TTC39A: variants seen among roughly 807,000 people sequenced by gnomAD.
TTC39A encodes the protein tetratricopeptide repeat domain 39A.
A neutral mutation model predicts 82.3 loss-of-function variants in TTC39A; 46 were observed. That is an observed-to-expected ratio of 0.56 (90% CI 0.44 to 0.71). TTC39A has a LOEUF of 0.71. Ranked by LOEUF, TTC39A falls within the 30% of genes least tolerant of loss-of-function variation. The pLI is 0.00. For missense variants in TTC39A, 543 were observed against 712.9 expected, an observed-to-expected ratio of 0.76 and a Z score of 2.71; for synonymous variants, 254 against 275.2, an observed-to-expected ratio of 0.92 and a Z score of 0.76.
chr1:51,316,182 C>G (rs1018603000), intron 2 of TTC39A, among the ~76,000 whole-genome samples: 1 of 152,216 alleles, frequency 6.6e-6, no homozygotes, highest in Non-Finnish European at 1.5e-5. Flanking sequence ...CAGCACACTG[C>G]CGGGCCCAGG....
intron 2 of TTC39A, among the ~76,000 whole-genome samples, chr1:51,320,155 G>A (rs1281240757): frequency 2.0e-5 from 3 of 152,122 alleles, no homozygotes; most frequent in Non-Finnish European, 4.4e-5. Context: ...AGGAAAATGA[G>A]GGGGGTACTG....
chr1:51,305,182 C>T (rs1184197450), intron 7 of TTC39A, 36 bp from the exon 8 acceptor site: 3 of 1,608,816 alleles, frequency 1.9e-6, no homozygotes, highest in East Asian at 2.2e-5. Context: ...TGTGAAGGTA[C>T]CCAGAGTGGG....
At chr1:51,302,012 G>A in intron 11 of TTC39A, 1 of 679,660 alleles carries the variant, frequency 1.5e-6, no homozygotes, top group Non-Finnish European at 2.7e-6. Context: ...CTATAATGGA[G>A]GGGAGGTACC....
chr1:51,301,731 G>A lies in TTC39A; in HGVS notation c.894C>T (p.Ala298=). The A allele has an allele frequency of 6.2e-7, 1 of 1,602,682 alleles. No individual in the cohort carries two copies. The part of the protein sequence containing the change: ...IEVIKGNIDA[A]IRRFEECCEA... ...CACAGCACTCCTCGAAACGCCGGAT[G>A]GCCTGCAGGCACCTTCTGGTCAGCC... Residue 298 remains alanine, a splice_region_variant and synonymous_variant, in exon 12 of 18, where the codon GCC becomes GCT. Coordinates refer to ENST00000680483, the MANE Select transcript of TTC39A (RefSeq NM_001297663.2).
chr1:51,336,285 G>A (rs1379320281), upstream of TTC39A, among the ~76,000 whole-genome samples: 1 of 152,112 alleles, frequency 6.6e-6, no homozygotes, highest in Non-Finnish European at 1.5e-5. Flanking sequence ...ATCTATTCCT[G>A]CTCCTTGGGC....
rs1253382916 is a variant in TTC39A, at chr1:51,306,069, C to G, written c.496G>C (p.Asp166His). The change falls in exon 7 of 18, where the codon GAC (aspartate) becomes CAC (histidine). Residue 166 changes from aspartate to histidine, a missense_variant. Coordinates refer to ENST00000680483, the MANE Select transcript of TTC39A (RefSeq NM_001297663.2). ...TATTGTGAGGACTGAACAAGGCTGT[C>G]CAGCTCCCTGCAGAGAGATGCCAAG... ...RNSYQTYKEL[D>H]SLVQSSQYCK... The G allele has an allele frequency of 1.2e-6, 2 of 1,613,722 alleles. No individual in the cohort carries two copies. The highest frequency in any genetic ancestry group is 2.7e-5 in the African/African-American group (2 of 74,924).
chr1:51,309,439 A>T (rs762985311), intron 5 of TTC39A, 114 bp from the exon 6 acceptor site: 2 of 1,569,962 alleles, frequency 1.3e-6, no homozygotes, highest in South Asian at 2.4e-5. Flanking sequence ...CCCTGGGGGG[A>T]TGAGGTCGGA....
chr1:51,306,784 C>T (rs1424591019), intron 6 of TTC39A, among the ~76,000 whole-genome samples: 2 of 151,718 alleles, frequency 1.3e-5, no homozygotes, highest in African/African-American at 4.9e-5. Context: ...CTGTGCCAGG[C>T]ACTGGAAGAC....
At chr1:51,317,051 C>T (rs188590162) in intron 2 of TTC39A, among the ~76,000 whole-genome samples, 73 of 152,306 alleles carry the variant, frequency 4.8e-4, no homozygotes, top group African/African-American at 1.6e-3. Flanking sequence ...GTGAAATATG[C>T]TAGAAGCAGA....
At chr1:51,302,839 C>A (rs1371504516) in intron 9 of TTC39A, among the ~76,000 whole-genome samples, 1 of 152,210 alleles carries the variant, frequency 6.6e-6, no homozygotes, top group African/African-American at 2.4e-5. Flanking sequence ...TGTCTTCACA[C>A]CCTCTACAGG....
chr1:51,339,540 G>T (rs1646011016), intron 1 of TTC39A, among the ~76,000 whole-genome samples: 1 of 152,202 alleles, frequency 6.6e-6, no homozygotes, highest in Non-Finnish European at 1.5e-5. Context: ...TGTTCTACAG[G>T]AAGGCTCCTT....
At chr1:51,344,817 C>T (rs1343377038) in intron 1 of TTC39A, among the ~76,000 whole-genome samples, 1 of 152,244 alleles carries the variant, frequency 6.6e-6, no homozygotes, top group Non-Finnish European at 1.5e-5. Context: ...GGACAGAGAG[C>T]AGGGGGCGCG....
rs529448790 is a variant in TTC39A at position 51,316,734 on chromosome 1, G to T, written c.147-3791C>A. Among the ~76,000 whole-genome samples, 17 of 152,292 alleles carry T rather than the reference G, an allele frequency of 1.1e-4. No individual in the cohort carries two copies. In the East Asian group the frequency reaches 3.1e-3, roughly 28 times the overall value. On this transcript the variant is annotated intron_variant, in intron 2 of 17. Coordinates refer to ENST00000680483, the MANE Select transcript of TTC39A (RefSeq NM_001297663.2). Reference sequence around the variant, plus strand: ...TTGCCTCTTCCCTCAGAAAACTACAGAACACTCAAGGGCATACCCTGAACT... The same window carrying T: ...TTGCCTCTTCCCTCAGAAAACTACATAACACTCAAGGGCATACCCTGAACT...
At chr1:51,310,779 C>A (rs1164355918) in intron 5 of TTC39A, among the ~76,000 whole-genome samples, 2 of 152,340 alleles carry the variant, frequency 1.3e-5, no homozygotes, top group African/African-American at 4.8e-5. Flanking sequence ...CTCTAAGTCT[C>A]CCCTTCACAG....
At chr1:51,322,231 T>C in intron 1 of TTC39A, 1 of 1,502,850 alleles carries the variant, frequency 6.7e-7, no homozygotes, top group Non-Finnish European at 8.9e-7. Flanking sequence ...TCCCTCCTCC[T>C]TCTCCAAGGC....
At chr1:51,329,489 C>G (rs1216442052) in intron 1 of TTC39A, among the ~76,000 whole-genome samples, 1 of 152,206 alleles carries the variant, frequency 6.6e-6, no homozygotes, top group African/African-American at 2.4e-5. Flanking sequence ...CCCCAGCAAC[C>G]CAGCTTCCAA....
rs1333805335 is a variant in TTC39A at position 51,294,699 on chromosome 1, G to A, written c.1146-188C>T. Among the ~76,000 whole-genome samples the A allele has an allele frequency of 1.3e-5, 2 of 152,164 alleles. No homozygotes were observed. Among genetic ancestry groups the A allele is most frequent in the Non-Finnish European group, 2.9e-5 (2 of 68,020 alleles). On this transcript the variant is annotated intron_variant, in intron 13 of 17. Coordinates refer to ENST00000680483, the MANE Select transcript of TTC39A (RefSeq NM_001297663.2). This position sits in a 1 kb window ranked among gnomAD's most constrained non-coding sequence, Gnocchi z 4.3. ...CTGCGGCTATAATTTTAGAGACCCTGCCCCAAGACCTGGCCACTTCCTATG... is the reference window on the plus strand; with the variant it reads ...CTGCGGCTATAATTTTAGAGACCCTACCCCAAGACCTGGCCACTTCCTATG...
At chr1:51,330,568 C>G (rs867433862), upstream of TTC39A, 1 of 982,748 alleles carries the variant, frequency 1.0e-6, no homozygotes. The surrounding 1 kb of genome is among the most constrained non-coding windows in gnomAD (Gnocchi z 4.5). Flanking sequence ...GCTGTGCGGT[C>G]GCGGACGCGG....
intron 13 of TTC39A, among the ~76,000 whole-genome samples, chr1:51,295,011 G>A (rs1283892044): frequency 2.0e-5 from 3 of 152,086 alleles, no homozygotes; most frequent in Non-Finnish European, 4.4e-5. Context: ...CACCAGGCAC[G>A]CCCCCACATC....
Sources: allele counts gnomAD v4.1 joint callset (sites outside exome capture counted in the v4.1 genomes callset), GRCh38; gene constraint gnomAD v4.1.1; non-coding constraint Gnocchi (gnomAD v3.1); transcripts MANE v1.5; gene names NCBI Gene and HGNC (gene_info 2026-07-23, HGNC 2026-07-21).